Variants in ULK2 observed in about 807,000 individuals in gnomAD.
The protein encoded by ULK2 is serine/threonine-protein kinase ULK2.
ULK2 carries 76 observed loss-of-function variants against 127.5 expected under a neutral mutation model. The ratio of observed to expected loss-of-function variants is 0.60; its 90% CI spans 0.50 to 0.72. ULK2 has a LOEUF of 0.72. ULK2 is among the 30% of genes least tolerant of loss of function. The probability of loss-of-function intolerance (pLI) is 0.00; values close to 1 mark genes in which losing one functional copy is unlikely to be tolerated. For synonymous variants in ULK2, 452 were observed against 461.9 expected (o/e 0.98, Z 0.28); for missense variants, 1,144 against 1,295.9 (o/e 0.88, Z 1.80).
chr17:19,816,721 A>C, intron 13 of ULK2, 28 bp downstream of exon 13: 4 of 1,509,664 alleles, frequency 2.6e-6, no homozygotes, highest in Non-Finnish European at 3.5e-6. Flanking sequence ...TAAGAAATAC[A>C]ATGTGTACAA....
In ULK2 at chr17:19,773,612, A is replaced by G. The variant is rs899130781; in HGVS notation, c.*2737T>C. ...AGTGCCAGGAGAGAAGCTGTTGCAAATGCTGAGTGGAGAGGAGAAAGCCTC... is the reference window on the plus strand; with the variant it reads ...AGTGCCAGGAGAGAAGCTGTTGCAAGTGCTGAGTGGAGAGGAGAAAGCCTC... On this transcript the variant is annotated 3_prime_UTR_variant, in exon 27 of 27. Transcript: ENST00000395544. The G allele has an allele frequency of 1.3e-5, 2 of 152,240 alleles. No homozygotes were observed. The highest frequency in any genetic ancestry group is 4.8e-5 in the African/African-American group (2 of 41,446). The allele number at this position is 152,240 out of a possible 1,614,324, so 9.4% of individuals were successfully genotyped here.
rs561867127 is a variant in ULK2 at position 19,804,877 on chromosome 17, G to GT, written c.1158-48dup. The GT allele has an allele frequency of 8.8e-5, 141 of 1,595,806 alleles. 1 individual carries two copies. In the African/African-American group the frequency reaches 1.7e-3, roughly 19 times the overall value. On this transcript the variant is annotated intron_variant, in intron 14 of 26. Coordinates refer to ENST00000395544, the MANE Select transcript of ULK2 (RefSeq NM_014683.4). ...AAAGGAAAGAAACAGTGGTAGGATTGTTTTTCTTTCATTTGACCCATTAGT... is the reference window on the plus strand; with the variant it reads ...AAAGGAAAGAAACAGTGGTAGGATTGTTTTTTCTTTCATTTGACCCATTAGT...
chr17:19,791,844 C>CAAAAA (rs58434256), intron 20 of ULK2, among the ~76,000 whole-genome samples: 33 of 47,962 alleles, frequency 6.9e-4, no homozygotes, highest in Non-Finnish European at 9.4e-4. Flanking sequence ...ACCCTGTTTA[C>CAAAAA]AAAAAAAAAA....
chr17:19,799,604 G>T, intron 16 of ULK2, 29 bp from the exon 17 acceptor site: 2 of 1,440,326 alleles, frequency 1.4e-6, no homozygotes, highest in East Asian at 2.4e-5. Flanking sequence ...AAAAGATGGG[G>T]AAAGGAAGAA....
rs205110 is a variant in ULK2 at position 19,772,275 on chromosome 17, C to T, written c.*4074G>A. ...TCTCAGGGCAAGTTGTCAGCTTTCCCGTATGCAGTGTTTTTCTAGGTGGAT... is the reference window on the plus strand; with the variant it reads ...TCTCAGGGCAAGTTGTCAGCTTTCCTGTATGCAGTGTTTTTCTAGGTGGAT... On this transcript the variant is annotated 3_prime_UTR_variant, in exon 27 of 27. Coordinates refer to ENST00000395544, the MANE Select transcript of ULK2 (RefSeq NM_014683.4). 146,383 of 152,386 alleles carry T rather than the reference C, an allele frequency of 0.96. 70,505 individuals carry two copies. Among genetic ancestry groups the T allele is most frequent in the African/African-American group, 0.99 (41,204 of 41,588 alleles). The allele number at this position is 152,386 out of a possible 1,614,324, so 9.4% of individuals were successfully genotyped here.
intron 13 of ULK2, among the ~76,000 whole-genome samples, chr17:19,814,051 C>T (rs2152389383): frequency 6.6e-6 from 1 of 152,172 alleles, no homozygotes; most frequent in East Asian, 1.9e-4. Context: ...CACACACATA[C>T]TGACACAAAT....
At chr17:19,825,020 T>C in intron 12 of ULK2, 74 bp downstream of exon 12, 3 of 1,299,742 alleles carry the variant, frequency 2.3e-6, no homozygotes, top group Non-Finnish European at 3.3e-6. Flanking sequence ...ATCCACAGTG[T>C]ATGTGCATGC....
chr17:19,861,054 G>A (rs1480733372), intron 3 of ULK2: 2 of 149,492 alleles, frequency 1.3e-5, no homozygotes, highest in Non-Finnish European at 2.9e-5. Flanking sequence ...ACAAGAGCAA[G>A]ACTTCTTCTC....
intron 26 of ULK2, among the ~76,000 whole-genome samples, chr17:19,776,664 A>C (rs1033956798): frequency 1.3e-5 from 2 of 152,104 alleles, no homozygotes; most frequent in African/African-American, 4.8e-5. Flanking sequence ...GGCTACTCAA[A>C]ATGTAGCAGG....
intron 20 of ULK2, among the ~76,000 whole-genome samples, chr17:19,787,508 A>T (rs891492091): frequency 6.6e-6 from 1 of 152,264 alleles, no homozygotes; most frequent in African/African-American, 2.4e-5. Context: ...AAACTATATT[A>T]GAGTAAGGAA....
At chr17:19,823,520 C>T (rs157396) in intron 12 of ULK2, among the ~76,000 whole-genome samples, 146,292 of 152,270 alleles carry the variant, frequency 0.96, 70,466 homozygotes, top group African/African-American at 0.99. Context: ...GTTGTTCTTT[C>T]CTCTAGCACA....
intron 10 of ULK2, among the ~76,000 whole-genome samples, chr17:19,835,200 A>G (rs1175280729): frequency 2.0e-5 from 3 of 149,764 alleles, no homozygotes; most frequent in African/African-American, 7.4e-5. Flanking sequence ...AGGCTGGAGG[A>G]GTGTAGTGGC....
chr17:19,840,190 AATAC>A (rs935857528), intron 9 of ULK2: 1 of 490,568 alleles, frequency 2.0e-6, no homozygotes, highest in African/African-American at 2.0e-5. Context: ...AACCCAGCCG[AATAC>A]AACATATCTC....
intron 20 of ULK2, among the ~76,000 whole-genome samples, chr17:19,793,624 T>C (rs2087204757): frequency 6.6e-6 from 1 of 152,112 alleles, no homozygotes; most frequent in Non-Finnish European, 1.5e-5. Flanking sequence ...AAGGAGTGTA[T>C]AGGGAAACCC....
intron 14 of ULK2, among the ~76,000 whole-genome samples, chr17:19,808,860 T>C (rs2087567944): frequency 6.6e-6 from 1 of 152,178 alleles, no homozygotes; most frequent in African/African-American, 2.4e-5. Flanking sequence ...ATGGAAAATT[T>C]AGCCAATTCC....
chr17:19,849,690 A>C, intron 4 of ULK2, 52 bp downstream of exon 4: 9 of 1,308,212 alleles, frequency 6.9e-6, no homozygotes, highest in South Asian at 1.5e-5. Context: ...AATCTAAAAA[A>C]AAAAAAAAAG....
chr17:19,862,756 G>A (rs1255551848), intron 3 of ULK2, among the ~76,000 whole-genome samples: 7 of 151,950 alleles, frequency 4.6e-5, no homozygotes, highest in African/African-American at 1.5e-4. Context: ...ATAAGCTACC[G>A]TGCCCAGCTG....
chr17:19,829,554 G>GGGGT, intron 10 of ULK2, among the ~76,000 whole-genome samples: 1 of 138,792 alleles, frequency 7.2e-6, no homozygotes, highest in East Asian at 2.0e-4. Context: ...AAAAAGGGGG[G>GGGGT]GGGCTGGGCA....
At chr17:19,809,732 C>CAAAAAAA (rs369486144) in intron 14 of ULK2, among the ~76,000 whole-genome samples, 1 of 90,496 alleles carries the variant, frequency 1.1e-5, no homozygotes, top group Non-Finnish European at 2.0e-5. Flanking sequence ...GACTCCGTCT[C>CAAAAAAA]AAAAAAAAAA....
Sources: gnomAD v4.1 joint callset for allele counts (sites outside exome capture counted in the v4.1 genomes callset) on GRCh38, gnomAD v4.1.1 for gene constraint, MANE v1.5 for transcripts, NCBI Gene and HGNC (gene_info 2026-07-23, HGNC 2026-07-21) for gene names.